Variants in AGBL4 observed in about 807,000 individuals in gnomAD.
The protein encoded by AGBL4 is AGBL carboxypeptidase 4, also known as cytosolic carboxypeptidase 6.
In AGBL4, 58 loss-of-function variants were observed where a neutral mutation model predicts 66.4. The ratio of observed to expected loss-of-function variants is 0.87; its 90% CI spans 0.71 to 1.09. AGBL4 has a LOEUF of 1.09. Among genes scored for constraint, AGBL4 ranks in the 50% least tolerant of loss-of-function variants. The pLI is 0.00. For synonymous variants in AGBL4, 234 were observed against 222.9 expected, an observed-to-expected ratio of 1.05 and a Z score of -0.44; for missense variants, 579 against 631.0, an observed-to-expected ratio of 0.92 and a Z score of 0.88.
At chr1:49,044,182 T>C (rs892390293) in intron 5 of AGBL4, among the ~76,000 whole-genome samples, 2 of 151,982 alleles carry the variant, frequency 1.3e-5, no homozygotes, top group African/African-American at 4.8e-5. Flanking sequence ...AGATCCTAGT[T>C]TGGGCACAAG....
intron 6 of AGBL4, chr1:48,818,096 T>C (rs1646226298): frequency 2.8e-6 from 2 of 713,290 alleles, no homozygotes; most frequent in Non-Finnish European, 5.2e-6. Flanking sequence ...AGCAAATGAT[T>C]TCACCAGCTC....
chr1:49,314,337 C>T (rs1644998541), intron 3 of AGBL4, among the ~76,000 whole-genome samples: 1 of 151,978 alleles, frequency 6.6e-6, no homozygotes, highest in South Asian at 2.1e-4. Context: ...CACCTATTAA[C>T]TCGTCATCTA....
chr1:49,038,612 T>C (rs917587900), intron 5 of AGBL4, among the ~76,000 whole-genome samples: 3 of 152,068 alleles, frequency 2.0e-5, no homozygotes, highest in Admixed American at 2.0e-4. Context: ...CTTTACATCA[T>C]ATGTCACTTG....
At chr1:48,778,305 C>G (rs1335145771) in intron 6 of AGBL4, among the ~76,000 whole-genome samples, 1 of 152,162 alleles carries the variant, frequency 6.6e-6, no homozygotes, top group Non-Finnish European at 1.5e-5. Flanking sequence ...CACCTGGATT[C>G]TTGGGCCTTG....
At chr1:48,546,142 C>A (rs191699891) in intron 11 of AGBL4, among the ~76,000 whole-genome samples, 1 of 152,186 alleles carries the variant, frequency 6.6e-6, no homozygotes, top group Non-Finnish European at 1.5e-5. Flanking sequence ...TAGTTACTAT[C>A]ACCAATCCTC....
At chr1:49,517,341 G>C (rs1025428729) in intron 3 of AGBL4, among the ~76,000 whole-genome samples, 2 of 151,734 alleles carry the variant, frequency 1.3e-5, no homozygotes, top group Non-Finnish European at 2.9e-5. Context: ...AGTATTACCA[G>C]GGTAGAAATG....
chr1:48,668,185 T>TG (rs1275546897), intron 6 of AGBL4, among the ~76,000 whole-genome samples: 1 of 152,114 alleles, frequency 6.6e-6, no homozygotes, highest in East Asian at 1.9e-4. Context: ...ACTCTTAAGC[T>TG]GGAGAAACAA....
chr1:48,859,516 G>T (rs1647303846), intron 6 of AGBL4, among the ~76,000 whole-genome samples: 1 of 151,856 alleles, frequency 6.6e-6, no homozygotes, highest in African/African-American at 2.4e-5. Flanking sequence ...AATGTCTCTG[G>T]GATCACCTCC....
At chr1:49,190,836 A>T (rs1647104688) in intron 4 of AGBL4, among the ~76,000 whole-genome samples, 1 of 152,138 alleles carries the variant, frequency 6.6e-6, no homozygotes, top group African/African-American at 2.4e-5. Context: ...AACAAACAAA[A>T]GTGTTCCTGA....
At chr1:49,679,994 GT>G (rs201108830) in intron 3 of AGBL4, among the ~76,000 whole-genome samples, 33 of 120,674 alleles carry the variant, frequency 2.7e-4, no homozygotes, top group South Asian at 1.1e-3. Flanking sequence ...AATATTTTCT[GT>G]TTTTTTTTAA....
At chr1:49,857,771 T>G (rs1378855608) in intron 1 of AGBL4, among the ~76,000 whole-genome samples, 1 of 151,954 alleles carries the variant, frequency 6.6e-6, no homozygotes, top group East Asian at 1.9e-4. Context: ...ACTATAAAAC[T>G]ATTAGAAGAA....
intron 3 of AGBL4, among the ~76,000 whole-genome samples, chr1:49,655,860 A>C (rs942709185): frequency 1.3e-5 from 2 of 152,160 alleles, no homozygotes; most frequent in African/African-American, 2.4e-5. Context: ...AAAAATCATA[A>C]AGGGGGTGCT....
rs547227179 is a variant in AGBL4, at chr1:49,971,206, T to C, written c.34+52557A>G. Among the ~76,000 whole-genome samples the C allele has an allele frequency of 3.9e-5, 6 of 152,310 alleles. No individual in the cohort carries two copies. In the East Asian group the frequency reaches 1.2e-3, roughly 29 times the overall value. On this transcript the variant is annotated intron_variant, in intron 1 of 13. Coordinates refer to ENST00000371839, the MANE Select transcript of AGBL4 (RefSeq NM_032785.4). ...AACAATTTATGAGTTTTAAATTACA[T>C]GCTGTTCTGAGTAGCACAATGATAT...
intron 3 of AGBL4, among the ~76,000 whole-genome samples, chr1:49,418,652 A>G (rs983875067): frequency 6.6e-6 from 1 of 152,220 alleles, no homozygotes; most frequent in Non-Finnish European, 1.5e-5. Context: ...ATTTCAGGCC[A>G]GGAGAACAGC....
At chr1:49,989,709 T>C (rs1378915751) in intron 1 of AGBL4, among the ~76,000 whole-genome samples, 1 of 152,204 alleles carries the variant, frequency 6.6e-6, no homozygotes, top group Non-Finnish European at 1.5e-5. Context: ...AAATCAGCTA[T>C]ATGTCTGTGT....
intron 3 of AGBL4, among the ~76,000 whole-genome samples, chr1:49,342,495 G>A (rs1172459301): frequency 6.6e-6 from 1 of 152,118 alleles, no homozygotes; most frequent in African/African-American, 2.4e-5. Context: ...TTCACTTTGT[G>A]ACCATGTGGG....
At chr1:48,932,994 C>G (rs1382497415) in intron 5 of AGBL4, among the ~76,000 whole-genome samples, 2 of 152,056 alleles carry the variant, frequency 1.3e-5, no homozygotes, top group African/African-American at 4.8e-5. Context: ...TTCCTCTTTA[C>G]TATTTTTTTC....
chr1:49,263,536 G>A (rs1337622974), intron 3 of AGBL4, among the ~76,000 whole-genome samples: 2 of 152,114 alleles, frequency 1.3e-5, no homozygotes. Context: ...TATATGAATA[G>A]ATGATTACTC....
chr1:49,929,474 AT>A (rs1257433001), intron 1 of AGBL4, among the ~76,000 whole-genome samples: 1 of 152,212 alleles, frequency 6.6e-6, no homozygotes, highest in Non-Finnish European at 1.5e-5. Context: ...AACTAGAATT[AT>A]TTATCCAGTA....
Sources: allele counts gnomAD v4.1 joint callset (sites outside exome capture counted in the v4.1 genomes callset), GRCh38; gene constraint gnomAD v4.1.1; transcripts MANE v1.5; gene names NCBI Gene and HGNC (gene_info 2026-07-23, HGNC 2026-07-21).